EZH2: variants seen among roughly 807,000 people sequenced by gnomAD.
EZH2 encodes the protein histone-lysine N-methyltransferase EZH2.
EZH2 carries 18 observed loss-of-function variants against 98.4 expected under a neutral mutation model. The observed-to-expected ratio is 0.18, with a 90% CI of 0.13 to 0.27. The LOEUF is 0.27. EZH2 is among the 10% of genes least tolerant of loss of function. The probability of loss-of-function intolerance (pLI) is 1.00; values close to 1 mark genes in which losing one functional copy is unlikely to be tolerated. For missense variants in EZH2, 470 were observed against 935.1 expected (o/e 0.50, Z 6.49); for synonymous variants, 338 against 312.3 (o/e 1.08, Z -0.87).
chr7:148,825,476 A>G (rs978835037), intron 8 of EZH2, among the ~76,000 whole-genome samples: 1 of 152,266 alleles, frequency 6.6e-6, no homozygotes, highest in Non-Finnish European at 1.5e-5. Flanking sequence ...TAACATTTCC[A>G]GACCAATGTA....
chr7:148,810,251 A>T, intron 17 of EZH2, 82 bp downstream of exon 17: 1 of 1,020,692 alleles, frequency 9.8e-7, no homozygotes, highest in Non-Finnish European at 1.5e-6. Context: ...ACTGACCTCT[A>T]CCCTCGTTTC....
At chr7:148,808,091 C>A (rs1445852736) in intron 19 of EZH2, among the ~76,000 whole-genome samples, 2 of 152,168 alleles carry the variant, frequency 1.3e-5, no homozygotes, top group Non-Finnish European at 2.9e-5. Context: ...AAAATGATGA[C>A]CATAGCAAAG....
At chr7:148,883,640 G>C (rs922205654) in intron 1 of EZH2, 2 of 150,500 alleles carry the variant, frequency 1.3e-5, no homozygotes, top group Non-Finnish European at 3.0e-5. Flanking sequence ...CCCGCCGGCG[G>C]GCCCGGGTGT....
intron 1 of EZH2, among the ~76,000 whole-genome samples, chr7:148,861,103 G>A (rs1275392576): frequency 2.0e-5 from 3 of 152,050 alleles, no homozygotes; most frequent in Non-Finnish European, 4.4e-5. Flanking sequence ...AAATGGCACA[G>A]TATTTGCATA....
intron 3 of EZH2, among the ~76,000 whole-genome samples, chr7:148,843,740 C>G (rs941651789): frequency 5.9e-5 from 9 of 151,594 alleles, no homozygotes; most frequent in African/African-American, 2.2e-4. Context: ...GGACTACAGG[C>G]GCCCGCTACC....
At chr7:148,821,505 T>TA (rs1451172959) in intron 8 of EZH2, among the ~76,000 whole-genome samples, 3 of 152,138 alleles carry the variant, frequency 2.0e-5, no homozygotes, top group African/African-American at 4.8e-5. Flanking sequence ...TAATTTTTTT[T>TA]AAAAAGAACT....
chr7:148,818,168 G>C, intron 9 of EZH2, 51 bp from the exon 10 acceptor site: 1 of 1,496,716 alleles, frequency 6.7e-7, no homozygotes, highest in Non-Finnish European at 8.9e-7. Flanking sequence ...AACTCATTTT[G>C]ATGGAAGAGA....
chr7:148,874,695 C>A (rs1482930897), intron 1 of EZH2, among the ~76,000 whole-genome samples: 3 of 151,896 alleles, frequency 2.0e-5, no homozygotes, highest in African/African-American at 7.3e-5. Context: ...AGGTGTTGAG[C>A]AAAAGAACTG....
intron 10 of EZH2, 167 bp from the exon 11 acceptor site, chr7:148,817,558 G>C (rs940221702): frequency 1.4e-6 from 1 of 696,780 alleles, no homozygotes. Context: ...ACTACTCACA[G>C]AACGTCAAGA....
intron 3 of EZH2, among the ~76,000 whole-genome samples, chr7:148,839,775 G>T (rs749299126): frequency 6.6e-6 from 1 of 152,036 alleles, no homozygotes; most frequent in African/African-American, 2.4e-5. Flanking sequence ...TAGAATTCCT[G>T]ATCTCAAAAG....
At chr7:148,868,202 G>A (rs191459665) in intron 1 of EZH2, among the ~76,000 whole-genome samples, 127 of 152,210 alleles carry the variant, frequency 8.3e-4, no homozygotes, top group Admixed American at 2.7e-3. Context: ...CCACTTCTGT[G>A]GTACATATTT....
At chr7:148,873,502 A>AAAAAAG (rs1356846020) in intron 1 of EZH2, among the ~76,000 whole-genome samples, 1 of 149,902 alleles carries the variant, frequency 6.7e-6, no homozygotes, top group African/African-American at 2.4e-5. Context: ...AAAAAAAAAA[A>AAAAAAG]AAAAAAAAGA....
Position 148,808,777 on chromosome 7 carries a change from T to C in EZH2, c.2195+294A>G, listed in dbSNP as rs1384981612. 2.6e-5 allele frequency among the ~76,000 whole-genome samples: 4 copies of C among 152,264 alleles called. No homozygotes were observed. In the East Asian group the frequency reaches 5.8e-4, roughly 22 times the overall value. ...CTGGAAAACGCTCCACGAGTGAGCATGCAGCATGCGGCATGATATGAGAAG... is the reference window on the plus strand; with the variant it reads ...CTGGAAAACGCTCCACGAGTGAGCACGCAGCATGCGGCATGATATGAGAAG... On this transcript the variant is annotated intron_variant, in intron 19 of 19. Transcript: ENST00000320356.
intron 6 of EZH2, 145 bp downstream of exon 6, chr7:148,828,595 G>T: frequency 9.0e-7 from 1 of 1,110,500 alleles, no homozygotes; most frequent in Non-Finnish European, 1.3e-6. Context: ...GCCATAATAT[G>T]TTAATTTTGA....
intron 3 of EZH2, among the ~76,000 whole-genome samples, chr7:148,840,028 G>C (rs547918832): frequency 6.0e-5 from 9 of 148,780 alleles, no homozygotes; most frequent in South Asian, 4.1e-4. Flanking sequence ...TTACCTATTG[G>C]ACTGAAGATT....
chr7:148,879,581 C>T (rs1021438364), intron 1 of EZH2, among the ~76,000 whole-genome samples: 6 of 151,802 alleles, frequency 4.0e-5, no homozygotes, highest in Non-Finnish European at 5.9e-5. Flanking sequence ...ATCCCAACTA[C>T]TTGAGAGGTG....
intron 11 of EZH2, 106 bp downstream of exon 11, chr7:148,817,116 A>G: frequency 9.5e-7 from 1 of 1,050,962 alleles, no homozygotes; most frequent in South Asian, 1.9e-5. Flanking sequence ...TTAGGAGATG[A>G]ATAGGAGCTT....
rs1178202943 is a variant in EZH2, at chr7:148,817,863, T to C, written c.1240+14A>G. ...TCACAGAACAGTAAAACCCAGTTATTAGACGTGTCTTACCAGAGGAGCTCG... is the reference window on the plus strand; with the variant it reads ...TCACAGAACAGTAAAACCCAGTTATCAGACGTGTCTTACCAGAGGAGCTCG... On this transcript the variant is annotated intron_variant, in intron 10 of 19. Coordinates refer to ENST00000320356, the MANE Select transcript of EZH2 (RefSeq NM_004456.5). The C allele has an allele frequency of 1.2e-6, 2 of 1,614,210 alleles. No individual in the cohort carries two copies. Among genetic ancestry groups the C allele is most frequent in the South Asian group, 2.2e-5 (2 of 91,074 alleles).
At chr7:148,852,801 C>T (rs1370450783) in intron 1 of EZH2, among the ~76,000 whole-genome samples, 2 of 152,000 alleles carry the variant, frequency 1.3e-5, no homozygotes, top group Non-Finnish European at 1.5e-5. Flanking sequence ...AAATTCCCAT[C>T]TTTTTTTTCT....
Sources: gnomAD v4.1 joint callset for allele counts (sites outside exome capture counted in the v4.1 genomes callset) on GRCh38, gnomAD v4.1.1 for gene constraint, MANE v1.5 for transcripts, NCBI Gene and HGNC (gene_info 2026-07-23, HGNC 2026-07-21) for gene names.